ENPP6: variants seen among roughly 807,000 people sequenced by gnomAD.
The protein encoded by ENPP6 is glycerophosphocholine cholinephosphodiesterase ENPP6.
In ENPP6, 32 loss-of-function variants were observed where a neutral mutation model predicts 42.0. The ratio of observed to expected loss-of-function variants is 0.76; its 90% CI spans 0.58 to 1.02. ENPP6 has a LOEUF of 1.02. ENPP6 is among the 50% of genes least tolerant of loss of function. ENPP6 has a pLI of 0.00. For synonymous variants in ENPP6, 213 were observed against 216.0 expected, an observed-to-expected ratio of 0.99 and a Z score of 0.12; for missense variants, 552 against 566.8, an observed-to-expected ratio of 0.97 and a Z score of 0.27.
intron 2 of ENPP6, among the ~76,000 whole-genome samples, chr4:184,138,344 C>T (rs765366719): frequency 5.9e-5 from 9 of 152,216 alleles, no homozygotes; most frequent in Non-Finnish European, 5.9e-5. Context: ...AGTGATCTAT[C>T]ATCATGCATT....
intron 6 of ENPP6, among the ~76,000 whole-genome samples, chr4:184,104,022 C>CTTTTT (rs374303995): frequency 1.6e-3 from 234 of 150,034 alleles, no homozygotes; most frequent in African/African-American, 5.5e-3. Flanking sequence ...CTTTTCTTTT[C>CTTTTT]TTTTTTTGAA....
At chr4:184,208,929 CT>C (rs1442641463) in intron 1 of ENPP6, among the ~76,000 whole-genome samples, 17 of 144,460 alleles carry the variant, frequency 1.2e-4, no homozygotes, top group African/African-American at 2.8e-4. Flanking sequence ...TCCCTGACCC[CT>C]GACCCCCGAG....
chr4:184,101,512 A>AAGAAAGCTGCCATCAGAGAG (rs2111332509), intron 6 of ENPP6, among the ~76,000 whole-genome samples: 1 of 152,196 alleles, frequency 6.6e-6, no homozygotes, highest in Admixed American at 6.5e-5. Context: ...GAAAGATGGA[A>AAGAAAGCTGCCATCAGAGAG]AGAAAGCTGC....
rs770058476 is a variant in ENPP6 at position 184,217,530 on chromosome 4, C to A, written c.241+49G>T. 4 of 1,606,444 alleles carry A rather than the reference C, an allele frequency of 2.5e-6. No homozygotes were observed. The South Asian group carries it at 3.3e-5, about 13-fold the overall frequency. On this transcript the variant is annotated intron_variant, in intron 1 of 7. Coordinates refer to ENST00000296741, the MANE Select transcript of ENPP6 (RefSeq NM_153343.4). ...AATGCCAGGAGCTCACTGTTCCCTGCTGGATGCCAGCCCTCCCCTCCCTGC... is the reference window on the plus strand; with the variant it reads ...AATGCCAGGAGCTCACTGTTCCCTGATGGATGCCAGCCCTCCCCTCCCTGC...
At chr4:184,122,256 C>T (rs753306089) in intron 3 of ENPP6, among the ~76,000 whole-genome samples, 1 of 152,120 alleles carries the variant, frequency 6.6e-6, no homozygotes, top group Admixed American at 6.5e-5. Context: ...CTACATAGAC[C>T]ACAATTTAAA....
rs548861252 is a variant in ENPP6 at position 184,152,620 on chromosome 4, A to C, written c.421+934T>G. ...TATTGCCACGGGCGTGGGAAAGGTA[A>C]ACTGACCACTTACCTAAATAATGAA... On this transcript the variant is annotated intron_variant, in intron 2 of 7. Coordinates refer to ENST00000296741, the MANE Select transcript of ENPP6 (RefSeq NM_153343.4). Among the ~76,000 whole-genome samples the C allele has an allele frequency of 9.8e-5, 15 of 152,332 alleles. 1 individual carries two copies. In the South Asian group the frequency reaches 3.1e-3, roughly 32 times the overall value.
chr4:184,208,735 A>G (rs1477726571), intron 1 of ENPP6, among the ~76,000 whole-genome samples: 3 of 146,840 alleles, frequency 2.0e-5, no homozygotes, highest in Non-Finnish European at 4.5e-5. Context: ...GGTGGAGCCC[A>G]CCACAGCTCA....
chr4:184,171,421 C>T (rs1213751247), intron 1 of ENPP6, among the ~76,000 whole-genome samples: 3 of 152,282 alleles, frequency 2.0e-5, no homozygotes, highest in East Asian at 1.9e-4. Flanking sequence ...ATCTGTTGGT[C>T]AAAGCTGTCA....
chr4:184,098,043 C>T (rs900610053), intron 6 of ENPP6, among the ~76,000 whole-genome samples: 6 of 152,258 alleles, frequency 3.9e-5, no homozygotes, highest in African/African-American at 1.4e-4. Flanking sequence ...TGCCTCACCT[C>T]CCATGCTTTC....
At chr4:184,138,696 G>T (rs182666110) in intron 2 of ENPP6, among the ~76,000 whole-genome samples, 44 of 152,290 alleles carry the variant, frequency 2.9e-4, no homozygotes, top group Non-Finnish European at 4.7e-4. Context: ...AAATCCCTGG[G>T]AATTAAGTCT....
chr4:184,095,180 T>C (rs1024586537), intron 7 of ENPP6, among the ~76,000 whole-genome samples: 1 of 152,224 alleles, frequency 6.6e-6, no homozygotes, highest in Non-Finnish European at 1.5e-5. Flanking sequence ...CGCAGTCCAT[T>C]TTCATCAGGG....
intron 1 of ENPP6, among the ~76,000 whole-genome samples, chr4:184,209,139 A>C (rs1374467250): frequency 6.6e-6 from 1 of 151,234 alleles, no homozygotes; most frequent in Non-Finnish European, 1.5e-5. Flanking sequence ...ATGGGGAAAA[A>C]ACAGAACAGA....
chr4:184,097,916 A>C (rs1237398121), intron 6 of ENPP6, among the ~76,000 whole-genome samples: 1 of 145,292 alleles, frequency 6.9e-6, no homozygotes, highest in Non-Finnish European at 1.5e-5. Context: ...GAGGAGCTGG[A>C]GACTTGAGTC....
rs1560995741 is a variant in ENPP6, at chr4:184,157,457, TC to T, written c.242-3725del. ...TTTCTTTCTTTCTTTTCTTTCTCTC[TC>T]TTTCTTTCCTTCCTTTCCTTTCTTT... On this transcript the variant is annotated intron_variant, in intron 1 of 7. Coordinates refer to ENST00000296741, the MANE Select transcript of ENPP6 (RefSeq NM_153343.4). Among the ~76,000 whole-genome samples, 585 of 151,666 alleles carry T rather than the reference TC, an allele frequency of 3.9e-3. 13 individuals are homozygous for T. The highest frequency in any genetic ancestry group is 0.03 in the Admixed American group (448 of 15,074).
At chr4:184,175,465 C>T (rs1467743789) in intron 1 of ENPP6, among the ~76,000 whole-genome samples, 1 of 152,194 alleles carries the variant, frequency 6.6e-6, no homozygotes. Flanking sequence ...TTCTCTTCTA[C>T]ACCACTATGA....
intron 2 of ENPP6, among the ~76,000 whole-genome samples, chr4:184,130,599 A>C (rs1319884926): frequency 6.7e-6 from 1 of 149,142 alleles, no homozygotes; most frequent in Non-Finnish European, 1.5e-5. Context: ...GGTTTTAAAA[A>C]TGACATTGGT....
At chr4:184,141,183 AG>A (rs1192965479) in intron 2 of ENPP6, among the ~76,000 whole-genome samples, 1 of 152,084 alleles carries the variant, frequency 6.6e-6, no homozygotes. Context: ...ATCAGACTGG[AG>A]GGGGAGTGTT....
intron 3 of ENPP6, among the ~76,000 whole-genome samples, chr4:184,120,697 G>T (rs574151721): frequency 6.4e-4 from 97 of 152,102 alleles, no homozygotes; most frequent in African/African-American, 2.1e-3. Context: ...GGCCGTGTGT[G>T]GGGGGCACTG....
chr4:184,133,895 C>A (rs1404018253), intron 2 of ENPP6, among the ~76,000 whole-genome samples: 3 of 145,366 alleles, frequency 2.1e-5, no homozygotes, highest in African/African-American at 7.6e-5. Context: ...TGAGATGGAG[C>A]CTCACTCTGT....
Sources: allele counts gnomAD v4.1 joint callset (sites outside exome capture counted in the v4.1 genomes callset), GRCh38; gene constraint gnomAD v4.1.1; transcripts MANE v1.5; gene names NCBI Gene and HGNC (gene_info 2026-07-23, HGNC 2026-07-21).